WNT4: variants seen among roughly 807,000 people sequenced by gnomAD.
WNT4 encodes Wnt family member 4.
A neutral mutation model predicts 34.5 loss-of-function variants in WNT4; 16 were observed. The ratio of observed to expected loss-of-function variants is 0.46; its 90% CI spans 0.31 to 0.70. WNT4 has a LOEUF of 0.70. Ranked by LOEUF, WNT4 falls within the 30% of genes least tolerant of loss-of-function variation. The pLI is 0.04. For missense variants in WNT4, 379 were observed against 495.9 expected (o/e 0.76, Z 2.24); for synonymous variants, 200 against 211.9 (o/e 0.94, Z 0.49).
At chr1:22,130,833 T>C (rs1645977508) in intron 1 of WNT4, among the ~76,000 whole-genome samples, 1 of 152,164 alleles carries the variant, frequency 6.6e-6, no homozygotes, top group South Asian at 2.1e-4. Context: ...GGTGACCAAA[T>C]AGAAAAGCAC....
At chr1:22,136,422 C>T (rs1646022237) in intron 1 of WNT4, among the ~76,000 whole-genome samples, 1 of 152,192 alleles carries the variant, frequency 6.6e-6, no homozygotes, top group South Asian at 2.1e-4. Context: ...AGAGGAGGGA[C>T]AGGTGAAACC....
rs1006607556 is a variant in WNT4 at position 22,141,254 on chromosome 1, C to CT, written c.77+1591dup. Among the ~76,000 whole-genome samples the CT allele has an allele frequency of 2.6e-5, 4 of 152,154 alleles. 1 individual carries two copies. The South Asian group carries it at 6.2e-4, about 24-fold the overall frequency. ...CCTGGGCCAGACGCTTGGACTGCCA[C>CT]TTTTTTTTCTTTGTTTTTTGTTTGT... is the stretch of plus-strand genomic sequence containing the variant. On this transcript the variant is annotated intron_variant, in intron 1 of 4. Coordinates refer to ENST00000290167, the MANE Select transcript of WNT4 (RefSeq NM_030761.5).
chr1:22,128,698 G>A (rs541430866), intron 2 of WNT4, among the ~76,000 whole-genome samples: 3 of 152,016 alleles, frequency 2.0e-5, no homozygotes. Flanking sequence ...GTTGAGTCCC[G>A]GCTCTACCAC....
intron 2 of WNT4, among the ~76,000 whole-genome samples, chr1:22,124,435 C>G (rs1645925912): frequency 6.6e-6 from 1 of 152,182 alleles, no homozygotes; most frequent in African/African-American, 2.4e-5. Flanking sequence ...CTGGGTCCAG[C>G]CTCAATGCCA....
Position 22,134,316 on chromosome 1 carries a change from C to T in WNT4, c.78-4465G>A, listed in dbSNP as rs573418021. 1.2e-4 allele frequency among the ~76,000 whole-genome samples: 18 copies of T among 152,260 alleles called. No individual in the cohort carries two copies. Among genetic ancestry groups the T allele is most frequent in the South Asian group, 4.1e-4 (2 of 4,826 alleles). Reference sequence around the variant, plus strand: ...CTGAACAGAGCTGCCTTGGGGGATGCGGGCCAGTGGGGGCGAAAGTGACCA... The same window carrying T: ...CTGAACAGAGCTGCCTTGGGGGATGTGGGCCAGTGGGGGCGAAAGTGACCA... On this transcript the variant is annotated intron_variant, in intron 1 of 4. Transcript: ENST00000290167. This position sits in a 1 kb window ranked among gnomAD's most constrained non-coding sequence, Gnocchi z 4.1.
At position 22,120,216 on chromosome 1, in the gene WNT4, T is replaced by G. The variant is rs1645884080; in HGVS notation, c.890A>C (p.Asn297Thr). 1 of 1,613,958 alleles carries G rather than the reference T, an allele frequency of 6.2e-7. No individual in the cohort carries two copies. Among genetic ancestry groups the G allele is most frequent in the Non-Finnish European group, 8.5e-7 (1 of 1,180,012 alleles). ...GCCGTCGATGGCCTTGGACGTCTTG[T>G]TGCATGTGCGGCCCCTCGTGCCCAG... Reference protein sequence around the residue: ...GVLGTRGRTCNKTSKAIDGCE... With the variant: ...GVLGTRGRTCTKTSKAIDGCE... Residue 297 changes from asparagine to threonine, a missense_variant, in exon 5 of 5, where the codon AAC (asparagine) becomes ACC (threonine). Physicochemically the swap from Asn to Thr is moderately conservative, Grantham distance 65. Coordinates refer to ENST00000290167, the MANE Select transcript of WNT4 (RefSeq NM_030761.5).
chr1:22,128,833 C>G (rs1382516220), intron 2 of WNT4, among the ~76,000 whole-genome samples: 1 of 152,148 alleles, frequency 6.6e-6, no homozygotes, highest in Non-Finnish European at 1.5e-5. Flanking sequence ...CATTCTCCTG[C>G]CTCAGCCTCC....
At chr1:22,127,409 T>G (rs750770487) in intron 2 of WNT4, 1 of 533,354 alleles carries the variant, frequency 1.9e-6, no homozygotes. Context: ...CTTGCGCCTT[T>G]GAGTCCTCTC....
At position 22,137,999 on chromosome 1, in the gene WNT4, G is replaced by T. The variant is rs1646035728; in HGVS notation, c.77+4847C>A. On this transcript the variant is annotated intron_variant, in intron 1 of 4. Coordinates refer to ENST00000290167, the MANE Select transcript of WNT4 (RefSeq NM_030761.5). This position sits in a 1 kb window ranked among gnomAD's most constrained non-coding sequence, Gnocchi z 5.3. ...CCTTTCATTCATCCATCAAAGATCGGCTGAGCACCTAGTACCTGACAGGCA... is the reference window on the plus strand; with the variant it reads ...CCTTTCATTCATCCATCAAAGATCGTCTGAGCACCTAGTACCTGACAGGCA... Among the ~76,000 whole-genome samples the T allele has an allele frequency of 6.6e-6, 1 of 152,226 alleles. No homozygotes were observed. The highest frequency in any genetic ancestry group is 2.1e-4 in the South Asian group (1 of 4,822).
Position 22,121,267 on chromosome 1 carries a change from CCTTG to C in WNT4, c.528_531del (p.Ser176ArgfsTer10). The C allele has an allele frequency of 6.2e-7, 1 of 1,614,176 alleles. No individual in the cohort carries two copies. Among genetic ancestry groups the C allele is most frequent in the Non-Finnish European group, 8.5e-7 (1 of 1,180,032 alleles). Reference sequence around the variant, plus strand: ...ATGAGGGCTCTGCTGGACGAGGCCCCCTTGCTTCTCTCCCGCACATCCACAAACG... The same window carrying C: ...ATGAGGGCTCTGCTGGACGAGGCCCCCTTCTCTCCCGCACATCCACAAACG... On this transcript the variant is annotated frameshift_variant, in exon 4 of 5. Transcript: ENST00000290167. LOFTEE classifies it high-confidence loss of function.
chr1:22,124,371 C>A (rs1041358708), intron 2 of WNT4, among the ~76,000 whole-genome samples: 2 of 152,234 alleles, frequency 1.3e-5, no homozygotes, highest in African/African-American at 4.8e-5. Flanking sequence ...GCTGTTTCTT[C>A]TTCCCAGAGC....
rs1645879865 is a variant in WNT4 at position 22,119,960 on chromosome 1, T to C, written c.*90A>G. ...AAACCAGAACAAAAAATACAACCAG[T>C]ATCTCTTGGGGTAGGTGGTGGGAGA... On this transcript the variant is annotated 3_prime_UTR_variant, in exon 5 of 5. Coordinates refer to ENST00000290167, the MANE Select transcript of WNT4 (RefSeq NM_030761.5). 5 of 1,471,864 alleles carry C rather than the reference T, an allele frequency of 3.4e-6. No homozygotes were observed. The highest frequency in any genetic ancestry group is 4.6e-6 in the Non-Finnish European group (5 of 1,083,064). 91.2% of individuals were successfully genotyped at this position (1,471,864 alleles called of 1,614,324 possible).
chr1:22,131,737 G>C (rs1645984990), intron 1 of WNT4, among the ~76,000 whole-genome samples: 1 of 152,192 alleles, frequency 6.6e-6, no homozygotes, highest in Non-Finnish European at 1.5e-5. Context: ...ACAGCATGGG[G>C]CAAGTGCAAA....
At chr1:22,131,674 C>CTGG (rs1189722686) in intron 1 of WNT4, among the ~76,000 whole-genome samples, 1 of 152,224 alleles carries the variant, frequency 6.6e-6, no homozygotes, top group Non-Finnish European at 1.5e-5. Flanking sequence ...TGTGATGCAC[C>CTGG]TGGCTGTCAG....
chr1:22,129,753 C>T lies in WNT4; in HGVS notation c.176G>A (p.Arg59Gln), dbSNP rs759336061. 1.3e-5 allele frequency: 21 copies of T among 1,613,948 alleles called. No individual in the cohort carries two copies. The highest frequency in any genetic ancestry group is 6.7e-5 in the East Asian group (3 of 44,888). The part of the protein sequence containing the change: ...LIQRQVQMCK[R>Q]NLEVMDSVRR... ...CACCGAGTCCATGACTTCCAGGTTCCGCTTGCACATCTGCACCTGCCTCTG... is the reference window on the plus strand; with the variant it reads ...CACCGAGTCCATGACTTCCAGGTTCTGCTTGCACATCTGCACCTGCCTCTG... The change falls in exon 2 of 5, where the codon CGG (arginine) becomes CAG (glutamine). Residue 59 changes from arginine (R) to glutamine (Q), a missense_variant. Arg to Gln is a conservative substitution (Grantham distance 43). Coordinates refer to ENST00000290167, the MANE Select transcript of WNT4 (RefSeq NM_030761.5).
intron 2 of WNT4, among the ~76,000 whole-genome samples, chr1:22,122,222 C>T (rs1645905327): frequency 6.6e-6 from 1 of 152,186 alleles, no homozygotes; most frequent in Non-Finnish European, 1.5e-5. Context: ...CCCCCAACCC[C>T]TACTGTGGCT....
In WNT4 at chr1:22,134,428, T is replaced by C. The variant is rs1269397146; in HGVS notation, c.78-4577A>G. ...ATACCCCCCACTCACTTTTACATCT[T>C]TGAATGTTTCTATAACCACAGTCTT... On this transcript the variant is annotated intron_variant, in intron 1 of 4. Coordinates refer to ENST00000290167, the MANE Select transcript of WNT4 (RefSeq NM_030761.5). The surrounding 1 kb of genome is among the most constrained non-coding windows in gnomAD (Gnocchi z 4.1). Among the ~76,000 whole-genome samples the C allele has an allele frequency of 6.6e-6, 1 of 152,180 alleles. No individual in the cohort carries two copies. The highest frequency in any genetic ancestry group is 2.4e-5 in the African/African-American group (1 of 41,452).
In WNT4 at chr1:22,142,693, G is replaced by T. The variant is rs1313393871; in HGVS notation, c.77+153C>A. Among the ~76,000 whole-genome samples the T allele has an allele frequency of 6.6e-6, 1 of 151,326 alleles. No homozygotes were observed. The highest frequency in any genetic ancestry group is 1.5e-5 in the Non-Finnish European group (1 of 67,746). ...TGTGCAGAGGGACGTTCGGGCCGTG[G>T]CGGCGGCAGCGGAGCGAGCGAGCCT... On this transcript the variant is annotated intron_variant, in intron 1 of 4. Coordinates refer to ENST00000290167, the MANE Select transcript of WNT4 (RefSeq NM_030761.5). The surrounding 1 kb of genome is among the most constrained non-coding windows in gnomAD (Gnocchi z 6.0).
intron 1 of WNT4, among the ~76,000 whole-genome samples, chr1:22,141,153 A>G (rs543777542): frequency 3.2e-4 from 48 of 152,328 alleles, no homozygotes; most frequent in Middle Eastern, 3.4e-3. Flanking sequence ...CCTAGGCCTC[A>G]GTTTCCTCAT....
Sources: allele counts gnomAD v4.1 joint callset (sites outside exome capture counted in the v4.1 genomes callset), GRCh38; gene constraint gnomAD v4.1.1; non-coding constraint Gnocchi (gnomAD v3.1); transcripts MANE v1.5; gene names NCBI Gene and HGNC (gene_info 2026-07-23, HGNC 2026-07-21).